SHROOM2: variants seen among roughly 807,000 people sequenced by gnomAD.
The protein encoded by SHROOM2 is protein Shroom2.
Under a neutral mutation model 75.9 loss-of-function variants are expected in SHROOM2, and 33 were observed. The observed-to-expected ratio is 0.43, with a 90% CI of 0.33 to 0.58. The LOEUF (loss-of-function observed/expected upper bound fraction) is 0.58. SHROOM2 is among the 20% of genes least tolerant of loss of function. SHROOM2 has a pLI of 0.04. For synonymous variants in SHROOM2, 655 were observed against 663.6 expected, an observed-to-expected ratio of 0.99 and a Z score of 0.20; for missense variants, 1,434 against 1,461.2, an observed-to-expected ratio of 0.98 and a Z score of 0.30.
chrX:9,885,528 G>A, intron 2 of SHROOM2, among the ~76,000 whole-genome samples: 2 of 111,247 alleles, frequency 1.8e-5, no homozygotes, highest in Middle Eastern at 4.7e-3. Flanking sequence ...TATGCACCAG[G>A]AAATTCAGAA....
intron 1 of SHROOM2, among the ~76,000 whole-genome samples, chrX:9,863,604 A>ATT (rs5901420): frequency 1.7e-4 from 17 of 100,637 alleles, no homozygotes; most frequent in South Asian, 4.8e-4. Flanking sequence ...GTTATTTATT[A>ATT]TTTTTTTTTG....
intron 1 of SHROOM2, among the ~76,000 whole-genome samples, chrX:9,802,184 C>T (rs761527031): frequency 1.3e-4 from 14 of 108,950 alleles, no homozygotes; most frequent in Admixed American, 1.2e-3. Context: ...CTTCCCACCT[C>T]GGCCTCCTGA....
At chrX:9,897,900 G>A (rs2084343107) in intron 4 of SHROOM2, among the ~76,000 whole-genome samples, 3 of 111,913 alleles carry the variant, frequency 2.7e-5, no homozygotes, top group Admixed American at 1.9e-4. Flanking sequence ...AAGAATCCCA[G>A]GCTCTGACGA....
chrX:9,805,898 T>C (rs2083748547), intron 1 of SHROOM2, among the ~76,000 whole-genome samples: 1 of 89,593 alleles, frequency 1.1e-5, no homozygotes, highest in Non-Finnish European at 2.0e-5. Flanking sequence ...AGTGAAACTG[T>C]GTCTCAAAAA....
chrX:9,848,059 G>A (rs189313209), intron 1 of SHROOM2, among the ~76,000 whole-genome samples: 18 of 111,858 alleles, frequency 1.6e-4, no homozygotes, highest in African/African-American at 5.5e-4. Context: ...GTCTGAGGGC[G>A]AATGTTGTGT....
chrX:9,909,886 G>A (rs2084412436), intron 5 of SHROOM2, among the ~76,000 whole-genome samples: 1 of 112,232 alleles, frequency 8.9e-6, no homozygotes, highest in Non-Finnish European at 1.9e-5. Flanking sequence ...GGCACTGGCA[G>A]ATTCGGTGTC....
chrX:9,891,131 G>A, intron 3 of SHROOM2, 23 bp downstream of exon 3: 2 of 1,195,719 alleles, frequency 1.7e-6, no homozygotes, highest in Non-Finnish European at 2.3e-6. Context: ...TCCCGTCCAG[G>A]ATGCCAGGTT....
chrX:9,916,349 A>G lies in SHROOM2; in HGVS notation c.2892-15826A>G, dbSNP rs775474443. Among the ~76,000 whole-genome samples, 10 of 112,509 alleles carry G rather than the reference A, an allele frequency of 8.9e-5. No homozygotes were observed. The East Asian group carries it at 2.8e-3, about 31-fold the overall frequency. ...TATGGTGCATGACATTCTAAAATCTAACAACCCTGTAGCCATACTGTGGAC... is the reference window on the plus strand; with the variant it reads ...TATGGTGCATGACATTCTAAAATCTGACAACCCTGTAGCCATACTGTGGAC... On this transcript the variant is annotated intron_variant, in intron 5 of 9. Coordinates refer to ENST00000380913, the MANE Select transcript of SHROOM2 (RefSeq NM_001649.4).
chrX:9,789,596 G>GT (rs2083636276), intron 1 of SHROOM2, among the ~76,000 whole-genome samples: 2 of 111,395 alleles, frequency 1.8e-5, no homozygotes, highest in Middle Eastern at 4.6e-3. Flanking sequence ...GAAGTCTTCA[G>GT]TGGGGGGAGG....
At chrX:9,843,491 C>T (rs748779736) in intron 1 of SHROOM2, among the ~76,000 whole-genome samples, 5 of 110,176 alleles carry the variant, frequency 4.5e-5, no homozygotes, top group African/African-American at 9.9e-5. Flanking sequence ...CTCTGCCTTC[C>T]GGGTTCTAGG....
intron 7 of SHROOM2, among the ~76,000 whole-genome samples, chrX:9,938,332 A>T (rs1404579572): frequency 8.9e-6 from 1 of 112,012 alleles, no homozygotes; most frequent in African/African-American, 3.3e-5. Context: ...TAGGCAGATC[A>T]TTTAAGCCCA....
At chrX:9,899,668 T>C (rs960469365) in intron 5 of SHROOM2, among the ~76,000 whole-genome samples, 1 of 112,432 alleles carries the variant, frequency 8.9e-6, no homozygotes, top group African/African-American at 3.2e-5. Context: ...CTGCAGTTAC[T>C]TAACAGACTC....
chrX:9,880,446 G>T (rs1327220617), intron 2 of SHROOM2, among the ~76,000 whole-genome samples: 1 of 113,480 alleles, frequency 8.8e-6, no homozygotes, highest in East Asian at 2.8e-4. Flanking sequence ...CCCTGCACTG[G>T]CCGCTTTGTC....
rs139897935 is a variant in SHROOM2 at position 9,862,654 on chromosome X, C to T, written c.166-10998C>T. 2.5e-3 allele frequency among the ~76,000 whole-genome samples: 281 copies of T among 112,036 alleles called. 2 individuals carry two copies. Among genetic ancestry groups the T allele is most frequent in the African/African-American group, 8.0e-3 (248 of 30,886 alleles). On this transcript the variant is annotated intron_variant, in intron 1 of 9. Transcript: ENST00000380913. ...ACTGGAGCAGGCAGGGAGGAAAGCA[C>T]GCTGGAATGATGAAGGCAAGCCCTT...
At chrX:9,914,760 G>A (rs951260851) in intron 5 of SHROOM2, among the ~76,000 whole-genome samples, 6 of 112,156 alleles carry the variant, frequency 5.3e-5, no homozygotes, top group Admixed American at 2.8e-4. Context: ...AACTGGGGGC[G>A]GGGTGACTAG....
In SHROOM2 at chrX:9,937,540, G is replaced by C; in HGVS notation, c.3994G>C (p.Asp1332His). 4 of 1,211,869 alleles carry C rather than the reference G, an allele frequency of 3.3e-6. No individual in the cohort carries two copies. The highest frequency in any genetic ancestry group is 4.5e-6 in the Non-Finnish European group (4 of 895,534). ...CGTGGGGAAGGATAAGTCCCTGGCCGACATCCTGGATCCCAGTGTGAAGAT... is the reference window on the plus strand; with the variant it reads ...CGTGGGGAAGGATAAGTCCCTGGCCCACATCCTGGATCCCAGTGTGAAGAT... Reference protein sequence around the residue: ...EIVGKDKSLADILDPSVKIKT... With the variant: ...EIVGKDKSLAHILDPSVKIKT... The change falls in exon 7 of 10, where the codon GAC (aspartate) becomes CAC (histidine). Residue 1332 changes from aspartate to histidine, a missense_variant. Asp to His is a moderately conservative substitution (Grantham distance 81). This residue lies in a region of SHROOM2 where 1,340 missense variants were observed against 1,338.3 expected (regional missense o/e 1.00). Coordinates refer to ENST00000380913, the MANE Select transcript of SHROOM2 (RefSeq NM_001649.4).
At position 9,801,782 on chromosome X, in the gene SHROOM2, G is replaced by A. The variant is rs779943330; in HGVS notation, c.165+15072G>A. On this transcript the variant is annotated intron_variant, in intron 1 of 9. Coordinates refer to ENST00000380913, the MANE Select transcript of SHROOM2 (RefSeq NM_001649.4). ...AGGCTGGGCAACATGGTGAAACCCC[G>A]TCTCTACAAAAAAATACAAAAAATT... 1.1e-3 allele frequency among the ~76,000 whole-genome samples: 123 copies of A among 109,187 alleles called. No individual in the cohort carries two copies. In the Middle Eastern group the frequency reaches 0.023, roughly 21 times the overall value. 94.8% of individuals were successfully genotyped at this position (109,187 alleles called of 115,157 possible). A position where few individuals can be genotyped will look rare whatever the true frequency, so the allele number is the denominator to read the frequency against.
chrX:9,830,469 A>C (rs1306311219), intron 1 of SHROOM2, among the ~76,000 whole-genome samples: 3 of 110,624 alleles, frequency 2.7e-5, no homozygotes, highest in African/African-American at 9.9e-5. Context: ...AATTTCCGAC[A>C]TAGAGCTTGA....
chrX:9,832,556 C>T (rs938089616), intron 1 of SHROOM2, among the ~76,000 whole-genome samples: 2 of 111,764 alleles, frequency 1.8e-5, no homozygotes, highest in Non-Finnish European at 3.8e-5. Flanking sequence ...AACCGTTTAC[C>T]CAGTAGGCAC....
Sources: allele counts gnomAD v4.1 joint callset (sites outside exome capture counted in the v4.1 genomes callset), GRCh38; gene constraint gnomAD v4.1.1; regional missense constraint gnomAD v4.1.1; transcripts MANE v1.5; gene names NCBI Gene and HGNC (gene_info 2026-07-23, HGNC 2026-07-21).